L3MBTL4: variants seen among roughly 807,000 people sequenced by gnomAD.
L3MBTL4 encodes the protein lethal(3)malignant brain tumor-like protein 4.
Under a neutral mutation model 84.5 loss-of-function variants are expected in L3MBTL4, and 70 were observed. The ratio of observed to expected loss-of-function variants is 0.83; its 90% CI spans 0.68 to 1.01. The LOEUF is 1.01. L3MBTL4 is among the 50% of genes least tolerant of loss of function. The pLI is 0.00. For missense variants in L3MBTL4, 715 were observed against 754.8 expected, an observed-to-expected ratio of 0.95 and a Z score of 0.62; for synonymous variants, 274 against 259.8, an observed-to-expected ratio of 1.05 and a Z score of -0.52.
At chr18:6,164,727 G>C (rs944405021) in intron 13 of L3MBTL4, among the ~76,000 whole-genome samples, 6 of 152,150 alleles carry the variant, frequency 3.9e-5, no homozygotes, top group Non-Finnish European at 4.4e-5. Flanking sequence ...ACAAAGATGG[G>C]TAAAAAACAG....
intron 14 of L3MBTL4, among the ~76,000 whole-genome samples, chr18:6,129,598 T>C (rs1205508756): frequency 6.6e-6 from 1 of 152,212 alleles, no homozygotes; most frequent in Non-Finnish European, 1.5e-5. Flanking sequence ...TTCAGTGTTC[T>C]CATTATACTA....
intron 12 of L3MBTL4, among the ~76,000 whole-genome samples, chr18:6,203,498 A>G (rs997416586): frequency 6.6e-6 from 1 of 152,176 alleles, no homozygotes; most frequent in African/African-American, 2.4e-5. Flanking sequence ...TTATAACAGT[A>G]TTGAGTTGGG....
chr18:6,392,057 A>G (rs2055077706), intron 1 of L3MBTL4, among the ~76,000 whole-genome samples: 1 of 152,210 alleles, frequency 6.6e-6, no homozygotes, highest in South Asian at 2.1e-4. Flanking sequence ...AACCCTAAGC[A>G]TAAAGAATAA....
At chr18:6,097,054 T>C (rs1276658259) in intron 14 of L3MBTL4, among the ~76,000 whole-genome samples, 1 of 152,196 alleles carries the variant, frequency 6.6e-6, no homozygotes, top group African/African-American at 2.4e-5. Context: ...CAGCAGCTAT[T>C]AGCTTGACCC....
intron 16 of L3MBTL4, among the ~76,000 whole-genome samples, chr18:5,974,328 C>T (rs1193971702): frequency 6.6e-6 from 1 of 152,194 alleles, no homozygotes; most frequent in Non-Finnish European, 1.5e-5. Flanking sequence ...CCCTGGACCA[C>T]AGCACTGGAA....
At chr18:6,174,689 G>C (rs144992367) in intron 12 of L3MBTL4, among the ~76,000 whole-genome samples, 1 of 151,116 alleles carries the variant, frequency 6.6e-6, no homozygotes, top group South Asian at 2.1e-4. Context: ...GGCCAACACG[G>C]TGAAGCCCCA....
At chr18:6,181,131 C>G (rs148961025) in intron 12 of L3MBTL4, among the ~76,000 whole-genome samples, 1 of 150,852 alleles carries the variant, frequency 6.6e-6, no homozygotes, top group East Asian at 1.9e-4. Context: ...TTTTTGGGTA[C>G]GGACTTTCTG....
In L3MBTL4 at chr18:6,071,733, GAAA is replaced by G. The variant is rs1568066246; in HGVS notation, c.1444+9145_1444+9147del. Among the ~76,000 whole-genome samples, 217 of 81,698 alleles carry G rather than the reference GAAA, an allele frequency of 2.7e-3. 1 individual carries two copies. Among genetic ancestry groups the G allele is most frequent in the African/African-American group, 8.0e-3 (211 of 26,462 alleles). The allele number at this position is 81,698 out of a possible 152,430, so 53.6% of individuals were successfully genotyped here. A position where few individuals can be genotyped will look rare whatever the true frequency, so the allele number is the denominator to read the frequency against. On this transcript the variant is annotated intron_variant, in intron 16 of 18. Transcript: ENST00000317931. ...AGAAAGAAGGAAAGAAAGAAGGAAA[GAAA>G]GAAGGAAGGAAAGAAAGAAAGAAAA...
intron 16 of L3MBTL4, among the ~76,000 whole-genome samples, chr18:6,052,185 A>G (rs1431003529): frequency 2.0e-5 from 3 of 152,204 alleles, no homozygotes; most frequent in Non-Finnish European, 4.4e-5. Context: ...TCGACTTCAT[A>G]AGCATTTTCT....
At chr18:6,118,276 C>A (rs773594114) in intron 14 of L3MBTL4, among the ~76,000 whole-genome samples, 8 of 148,296 alleles carry the variant, frequency 5.4e-5, no homozygotes, top group Non-Finnish European at 1.0e-4. Context: ...AATATCCCTC[C>A]TATCCCCCTT....
intron 14 of L3MBTL4, among the ~76,000 whole-genome samples, chr18:6,127,376 C>T (rs1405993220): frequency 2.0e-5 from 3 of 151,870 alleles, no homozygotes; most frequent in Non-Finnish European, 4.4e-5. Flanking sequence ...CCAGAGTGGC[C>T]CAGGGAAGCC....
chr18:6,069,310 A>T (rs903326695), intron 16 of L3MBTL4, among the ~76,000 whole-genome samples: 4 of 152,184 alleles, frequency 2.6e-5, no homozygotes, highest in African/African-American at 4.8e-5. Context: ...CATTCTACCT[A>T]GAGGTGCTTA....
At chr18:6,285,483 A>AGTGT (rs146666645) in intron 4 of L3MBTL4, among the ~76,000 whole-genome samples, 5,164 of 151,108 alleles carry the variant, frequency 0.034, 229 homozygotes, top group African/African-American at 0.11. Context: ...AGTGCTATAA[A>AGTGT]GTGTGTGTGT....
At chr18:6,129,366 CTCTGTGTGTGTGTGTG>C (rs1419194161) in intron 14 of L3MBTL4, among the ~76,000 whole-genome samples, 3 of 139,110 alleles carry the variant, frequency 2.2e-5, no homozygotes, top group South Asian at 2.4e-4. Context: ...CTGGAATTCT[CTCTGTGTGTGTGTGTG>C]TGTGTGTGTG....
chr18:5,962,326 C>A (rs189890816), intron 17 of L3MBTL4, among the ~76,000 whole-genome samples: 1 of 151,984 alleles, frequency 6.6e-6, no homozygotes, highest in African/African-American at 2.4e-5. Context: ...GGTGGATGTA[C>A]GGGGAAGAAA....
intron 1 of L3MBTL4, chr18:6,399,950 AC>A (rs1415844737): frequency 4.6e-5 from 7 of 152,256 alleles, no homozygotes; most frequent in African/African-American, 1.7e-4. Flanking sequence ...ACCACTAATA[AC>A]TCTGACCTTG....
chr18:6,065,435 T>C (rs987073620), intron 16 of L3MBTL4, among the ~76,000 whole-genome samples: 1 of 152,102 alleles, frequency 6.6e-6, no homozygotes, highest in African/African-American at 2.4e-5. Context: ...CAATTCTTCT[T>C]CGAATGTTTG....
At chr18:6,275,227 G>A (rs1387106976) in intron 4 of L3MBTL4, among the ~76,000 whole-genome samples, 1 of 152,176 alleles carries the variant, frequency 6.6e-6, no homozygotes, top group African/African-American at 2.4e-5. Context: ...TAAGATGTGG[G>A]TGGAGGAAAA....
chr18:6,369,624 G>A (rs529805063), intron 1 of L3MBTL4, among the ~76,000 whole-genome samples: 1 of 152,292 alleles, frequency 6.6e-6, no homozygotes, highest in South Asian at 2.1e-4. Flanking sequence ...TGTTGCCCAG[G>A]AAGGCTTCAT....
Sources: allele counts gnomAD v4.1 joint callset (sites outside exome capture counted in the v4.1 genomes callset), GRCh38; gene constraint gnomAD v4.1.1; transcripts MANE v1.5; gene names NCBI Gene and HGNC (gene_info 2026-07-23, HGNC 2026-07-21).